Variants in ZCCHC14 observed in about 807,000 individuals in gnomAD.
ZCCHC14 encodes the protein zinc finger CCHC-type containing 14, also known as zinc finger CCHC domain-containing protein 14.
In ZCCHC14, 16 loss-of-function variants were observed where a neutral mutation model predicts 85.0. That is an observed-to-expected ratio of 0.19 (90% confidence interval 0.13 to 0.29). The LOEUF is 0.29. Ranked by LOEUF, ZCCHC14 falls within the 10% of genes least tolerant of loss-of-function variation. The pLI is 1.00. For missense variants in ZCCHC14, 1,303 were observed against 1,443.5 expected, an observed-to-expected ratio of 0.90 and a Z score of 1.58; for synonymous variants, 775 against 630.7, an observed-to-expected ratio of 1.23 and a Z score of -3.43.
intron 12 of ZCCHC14, among the ~76,000 whole-genome samples, chr16:87,410,771 G>C (rs1424750962): frequency 6.6e-6 from 1 of 152,224 alleles, no homozygotes; most frequent in Non-Finnish European, 1.5e-5. Context: ...CTGCAGGCCT[G>C]CTGAGTCAGC....
intron 2 of ZCCHC14, among the ~76,000 whole-genome samples, chr16:87,439,782 A>G (rs1223460347): frequency 6.6e-6 from 1 of 152,212 alleles, no homozygotes; most frequent in African/African-American, 2.4e-5. Flanking sequence ...AAGTCAAAAT[A>G]CAGGTAACCA....
intron 1 of ZCCHC14, among the ~76,000 whole-genome samples, chr16:87,481,895 C>T (rs1411277412): frequency 1.3e-5 from 2 of 152,140 alleles, no homozygotes; most frequent in African/African-American, 4.8e-5. Context: ...CAAAGTCCAA[C>T]AGCAACAGCC....
At chr16:87,473,150 C>T (rs1449337555) in intron 1 of ZCCHC14, 3 of 152,246 alleles carry the variant, frequency 2.0e-5, no homozygotes, top group South Asian at 2.1e-4. Context: ...ACTGATGCCA[C>T]ATCCAAGAGG....
chr16:87,436,867 G>A (rs752470313), intron 2 of ZCCHC14, among the ~76,000 whole-genome samples: 3 of 152,178 alleles, frequency 2.0e-5, no homozygotes, highest in Non-Finnish European at 4.4e-5. Flanking sequence ...GTACGGTGGC[G>A]AAGTGAAGAG....
chr16:87,447,741 AT>A (rs1162639173), intron 2 of ZCCHC14, among the ~76,000 whole-genome samples: 1 of 152,252 alleles, frequency 6.6e-6, no homozygotes, highest in Non-Finnish European at 1.5e-5. Flanking sequence ...AACTGCAGGA[AT>A]ATAAGATACA....
Position 87,410,350 on chromosome 16 carries a change from A to C in ZCCHC14, c.3206-15T>G. 1.3e-6 allele frequency: 1 copy of C among 774,282 alleles called. No individual in the cohort carries two copies. Among genetic ancestry groups the C allele is most frequent in the Non-Finnish European group, 2.4e-6 (1 of 415,752 alleles). The allele number at this position is 774,282 out of a possible 1,614,324, so 48.0% of individuals were successfully genotyped here. On this transcript the variant is annotated splice_polypyrimidine_tract_variant and intron_variant, in intron 12 of 12. Transcript: ENST00000671377. ...CCTAAAAGTACCTAGAGAGAGGGGA[A>C]AAAAGAGGTCAAATTTGAATGACTG... is the stretch of plus-strand genomic sequence containing the variant.
intron 1 of ZCCHC14, among the ~76,000 whole-genome samples, chr16:87,462,924 C>A (rs753304444): frequency 1.3e-5 from 2 of 151,914 alleles, no homozygotes; most frequent in African/African-American, 2.4e-5. Context: ...CGAAATTAGC[C>A]AGGCATGGTG....
intron 2 of ZCCHC14, among the ~76,000 whole-genome samples, chr16:87,451,662 C>A (rs954369028): frequency 1.3e-5 from 2 of 152,224 alleles, no homozygotes; most frequent in Non-Finnish European, 2.9e-5. Flanking sequence ...AGAAGTGATG[C>A]TGTGCTAGGC....
At chr16:87,429,181 C>T (rs989366412) in intron 3 of ZCCHC14, among the ~76,000 whole-genome samples, 1 of 152,238 alleles carries the variant, frequency 6.6e-6, no homozygotes, top group African/African-American at 2.4e-5. Flanking sequence ...CTCCCCCACA[C>T]CGCAGCCTGA....
intron 2 of ZCCHC14, among the ~76,000 whole-genome samples, chr16:87,452,212 G>C (rs1169548310): frequency 1.3e-5 from 2 of 152,254 alleles, no homozygotes; most frequent in Non-Finnish European, 2.9e-5. Flanking sequence ...AGCCACATGT[G>C]GGAGAGGAGC....
rs1242668591 is a variant in ZCCHC14, at chr16:87,408,587, T to TACCATG, written c.*1687_*1692dup. ...ATTACTTCAACACTGTAATACTGTGTACCATGAGGAGAAGAGGTCTGTTAA... is the reference window on the plus strand; with the variant it reads ...ATTACTTCAACACTGTAATACTGTGTACCATGACCATGAGGAGAAGAGGTCTGTTAA... On this transcript the variant is annotated 3_prime_UTR_variant, in exon 13 of 13. Transcript: ENST00000671377. The TACCATG allele has an allele frequency of 6.6e-6, 1 of 152,620 alleles. No homozygotes were observed. Among genetic ancestry groups the TACCATG allele is most frequent in the African/African-American group, 2.4e-5 (1 of 41,470 alleles). 9.5% of individuals were successfully genotyped at this position (152,620 alleles called of 1,614,324 possible).
At position 87,412,494 on chromosome 16, in the gene ZCCHC14, G is replaced by A. The variant is rs1221309486; in HGVS notation, c.2227C>T (p.Leu743=). 6.2e-7 allele frequency: 1 copy of A among 1,614,032 alleles called. No individual in the cohort carries two copies. The highest frequency in any genetic ancestry group is 1.1e-5 in the South Asian group (1 of 91,088). The change falls in exon 12 of 13, where the codon CTG becomes TTG. Residue 743 remains leucine, a synonymous_variant. Transcript: ENST00000671377. ...VVHASTLDRV[L]KTAQQPALVV... is the part of the protein sequence containing the mutation. ...AGGGCCGGTTGCTGTGCTGTCTTCA[G>A]CACCCTGTCCAGCGTGGATGCATGC...
At chr16:87,466,858 C>G (rs996272990) in intron 1 of ZCCHC14, among the ~76,000 whole-genome samples, 1 of 152,084 alleles carries the variant, frequency 6.6e-6, no homozygotes, top group Non-Finnish European at 1.5e-5. Flanking sequence ...GGCTAGGAGC[C>G]CCTACTGGGA....
intron 12 of ZCCHC14, among the ~76,000 whole-genome samples, chr16:87,411,169 G>A (rs910327525): frequency 3.9e-5 from 6 of 152,204 alleles, no homozygotes; most frequent in African/African-American, 9.6e-5. Flanking sequence ...ATGCCGATGC[G>A]CCACAGCCTG....
At chr16:87,448,079 G>A (rs1002961003) in intron 2 of ZCCHC14, among the ~76,000 whole-genome samples, 9 of 152,002 alleles carry the variant, frequency 5.9e-5, no homozygotes, top group Admixed American at 3.3e-4. Context: ...TCTACTGCTT[G>A]GAATGCATAC....
At chr16:87,433,557 C>G (rs181897054) in intron 2 of ZCCHC14, among the ~76,000 whole-genome samples, 2 of 152,384 alleles carry the variant, frequency 1.3e-5, no homozygotes, top group African/African-American at 4.8e-5. Context: ...CGTTACGAAT[C>G]TGTCCCAACT....
rs763254604 is a variant in ZCCHC14 at position 87,412,665 on chromosome 16, T to C, written c.2056A>G (p.Met686Val). The C allele has an allele frequency of 6.2e-7, 1 of 1,614,242 alleles. No homozygotes were observed. The highest frequency in any genetic ancestry group is 8.5e-7 in the Non-Finnish European group (1 of 1,180,046). Residue 686 changes from methionine (M) to valine (V), a missense_variant, in exon 12 of 13, where the codon ATG becomes GTG. This residue lies in a region of ZCCHC14 where 797 missense variants were observed against 730.8 expected (regional missense o/e 1.09). Coordinates refer to ENST00000671377, the MANE Select transcript of ZCCHC14 (RefSeq NM_015144.3). The stretch of plus-strand genomic sequence containing the variant: ...CTGCCAAAGCTCTTGTCCACTTTCA[T>C]GCTGCTTCTTGGTCCAGATCCTTTA... ...RNKGSGPRSSMKVDKSFGSAM... is the reference protein window; with the variant it reads ...RNKGSGPRSSVKVDKSFGSAM...
chr16:87,411,335 A>G, intron 12 of ZCCHC14, 181 bp downstream of exon 12: 7 of 1,487,412 alleles, frequency 4.7e-6, no homozygotes, highest in Admixed American at 2.3e-5. Context: ...GCCGTTTTAG[A>G]CCCAACAGCA....
At position 87,460,045 on chromosome 16, in the gene ZCCHC14, C is replaced by T; in HGVS notation, c.657G>A (p.Glu219=). 6.2e-7 allele frequency: 1 copy of T among 1,614,144 alleles called. No individual in the cohort carries two copies. The highest frequency in any genetic ancestry group is 8.5e-7 in the Non-Finnish European group (1 of 1,180,016). The part of the protein sequence containing the change: ...ALHTSAHSTE[E]SLPKRPLGKH... ...TTCCTAAGGGCCTCTTGGGCAGCGA[C>T]TCCTCCGTGGAATGTGCTGATGTGT... The change falls in exon 2 of 13, where the codon GAG becomes GAA. Residue 219 remains glutamate, a synonymous_variant. Transcript: ENST00000671377.
Sources: gnomAD v4.1 joint callset for allele counts (sites outside exome capture counted in the v4.1 genomes callset) on GRCh38, gnomAD v4.1.1 for gene constraint, gnomAD v4.1.1 regional missense constraint, MANE v1.5 for transcripts, NCBI Gene and HGNC (gene_info 2026-07-23, HGNC 2026-07-21) for gene names.